CNTNAP2: variants seen among roughly 807,000 people sequenced by gnomAD.
CNTNAP2 encodes the protein contactin-associated protein-like 2.
CNTNAP2 carries 98 observed loss-of-function variants against 155.2 expected under a neutral mutation model. The ratio of observed to expected loss-of-function variants is 0.63; its 90% CI spans 0.54 to 0.75. CNTNAP2 has a LOEUF of 0.75. CNTNAP2 is among the 30% of genes least tolerant of loss of function. The pLI, the probability that CNTNAP2 is intolerant of heterozygous loss-of-function variation, is 0.00. For missense variants in CNTNAP2, 1,727 were observed against 1,688.1 expected (o/e 1.02, Z -0.40); for synonymous variants, 651 against 631.2 (o/e 1.03, Z -0.47).
chr7:146,748,143 C>CTTTTTTTTTTTTT (rs61495352), intron 1 of CNTNAP2, among the ~76,000 whole-genome samples: 29 of 98,002 alleles, frequency 3.0e-4, no homozygotes, highest in African/African-American at 7.9e-4. Context: ...CTTTTCTTTT[C>CTTTTTTTTTTTTT]TTTTTTTTTT....
chr7:146,477,394 A>G (rs1199916435), intron 1 of CNTNAP2, among the ~76,000 whole-genome samples: 1 of 152,166 alleles, frequency 6.6e-6, no homozygotes, highest in African/African-American at 2.4e-5. Context: ...TCCATTATAC[A>G]TATTTTACTT....
At chr7:148,311,231 A>T (rs930084694) in intron 21 of CNTNAP2, among the ~76,000 whole-genome samples, 3 of 152,114 alleles carry the variant, frequency 2.0e-5, no homozygotes, top group Non-Finnish European at 4.4e-5. Context: ...GGAGGGTAAA[A>T]GTGAGGGCTG....
chr7:147,423,412 A>G (rs1266043613), intron 10 of CNTNAP2, among the ~76,000 whole-genome samples: 4 of 152,214 alleles, frequency 2.6e-5, no homozygotes, highest in African/African-American at 7.2e-5. Context: ...AATAATCTTC[A>G]TAATTATAGA....
chr7:148,228,741 T>G lies in CNTNAP2; in HGVS notation c.3248-905T>G, dbSNP rs576711222. 3.1e-4 allele frequency among the ~76,000 whole-genome samples: 46 copies of G among 147,742 alleles called. No homozygotes were observed. In the East Asian group the frequency reaches 8.6e-3, roughly 28 times the overall value. On this transcript the variant is annotated intron_variant, in intron 19 of 23. Transcript: ENST00000361727. Reference sequence around the variant, plus strand: ...TACTGGGGATGCTGAGACAGGAGAATGGCGTGAACCCGGGAGGCGGAGCTT... The same window carrying G: ...TACTGGGGATGCTGAGACAGGAGAAGGGCGTGAACCCGGGAGGCGGAGCTT...
intron 2 of CNTNAP2, among the ~76,000 whole-genome samples, chr7:146,821,579 A>G (rs999868126): frequency 6.6e-6 from 1 of 152,140 alleles, no homozygotes; most frequent in Non-Finnish European, 1.5e-5. Flanking sequence ...TCATCTGACA[A>G]AGGGCTAATA....
chr7:147,058,675 C>T (rs1000006314), intron 4 of CNTNAP2, among the ~76,000 whole-genome samples: 8 of 141,586 alleles, frequency 5.7e-5, no homozygotes, highest in Non-Finnish European at 9.8e-5. Flanking sequence ...GGCGTGATCT[C>T]GGCTCACTGC....
intron 1 of CNTNAP2, among the ~76,000 whole-genome samples, chr7:146,267,322 A>G (rs1269655071): frequency 6.6e-6 from 1 of 152,168 alleles, no homozygotes; most frequent in Non-Finnish European, 1.5e-5. Flanking sequence ...AGAGATAGCC[A>G]ATTGGAAGCC....
chr7:146,581,898 GC>G (rs1339880702), intron 1 of CNTNAP2, among the ~76,000 whole-genome samples: 1 of 151,930 alleles, frequency 6.6e-6, no homozygotes. Flanking sequence ...CCAAAATGAT[GC>G]AGTGAGAATT....
chr7:146,462,904 A>G (rs552586197), intron 1 of CNTNAP2, among the ~76,000 whole-genome samples: 90 of 152,242 alleles, frequency 5.9e-4, no homozygotes, highest in African/African-American at 2.0e-3. Flanking sequence ...AATTACTTAA[A>G]TTACCCAACA....
intron 8 of CNTNAP2, among the ~76,000 whole-genome samples, chr7:147,183,185 A>G (rs527652876): frequency 1.3e-5 from 2 of 152,268 alleles, no homozygotes; most frequent in African/African-American, 4.8e-5. Context: ...GCTACTTCTA[A>G]TCTAAATTAA....
At chr7:146,214,839 A>C (rs958473285) in intron 1 of CNTNAP2, among the ~76,000 whole-genome samples, 18 of 152,194 alleles carry the variant, frequency 1.2e-4, no homozygotes, top group Non-Finnish European at 2.2e-4. Flanking sequence ...AAGATAATTG[A>C]CTTATCTGCT....
At chr7:147,966,706 C>T (rs144745039) in intron 14 of CNTNAP2, among the ~76,000 whole-genome samples, 1 of 152,114 alleles carries the variant, frequency 6.6e-6, no homozygotes, top group East Asian at 1.9e-4. Flanking sequence ...CAGCATATTC[C>T]GTCTGCCCAC....
chr7:146,171,689 G>A (rs937769273), intron 1 of CNTNAP2, among the ~76,000 whole-genome samples: 1 of 152,034 alleles, frequency 6.6e-6, no homozygotes, highest in African/African-American at 2.4e-5. Context: ...CTATTAATAT[G>A]TAAAAGAAAA....
chr7:146,299,687 C>A (rs991680676), intron 1 of CNTNAP2, among the ~76,000 whole-genome samples: 1 of 152,100 alleles, frequency 6.6e-6, no homozygotes, highest in Non-Finnish European at 1.5e-5. Flanking sequence ...AAGCATGAGC[C>A]ACTGCACCAG....
intron 21 of CNTNAP2, among the ~76,000 whole-genome samples, chr7:148,347,288 A>C (rs1201993465): frequency 1.3e-5 from 2 of 152,080 alleles, no homozygotes; most frequent in Admixed American, 1.3e-4. Context: ...CAAAAAACCA[A>C]CTATCTAAGG....
chr7:147,017,458 C>A (rs2129245454), intron 3 of CNTNAP2, among the ~76,000 whole-genome samples: 1 of 152,034 alleles, frequency 6.6e-6, no homozygotes, highest in East Asian at 1.9e-4. Flanking sequence ...GCTATAACTG[C>A]CTACCTTACC....
At chr7:147,435,054 T>C (rs1315753427) in intron 10 of CNTNAP2, among the ~76,000 whole-genome samples, 1 of 152,160 alleles carries the variant, frequency 6.6e-6, no homozygotes, top group African/African-American at 2.4e-5. Flanking sequence ...TGGCGATCGT[T>C]ATATTGATTC....
chr7:146,308,769 T>C (rs1334802454), intron 1 of CNTNAP2, among the ~76,000 whole-genome samples: 1 of 151,978 alleles, frequency 6.6e-6, no homozygotes, highest in Non-Finnish European at 1.5e-5. Context: ...TAGGTGGTAA[T>C]TGAACAATAA....
chr7:147,853,619 A>G (rs17234222), intron 13 of CNTNAP2, among the ~76,000 whole-genome samples: 4,954 of 152,308 alleles, frequency 0.033, 135 homozygotes, highest in Non-Finnish European at 0.052. Flanking sequence ...GAGCACTAGA[A>G]TTTGGGTTGG....
Sources: gnomAD v4.1 joint callset for allele counts (sites outside exome capture counted in the v4.1 genomes callset) on GRCh38, gnomAD v4.1.1 for gene constraint, MANE v1.5 for transcripts, NCBI Gene and HGNC (gene_info 2026-07-23, HGNC 2026-07-21) for gene names.